TMEM120B: variants seen among roughly 807,000 people sequenced by gnomAD.
TMEM120B encodes transmembrane protein 120B.
A neutral mutation model predicts 55.5 loss-of-function variants in TMEM120B; 31 were observed. The observed-to-expected ratio is 0.56, with a 90% CI of 0.42 to 0.75. The LOEUF is 0.75. Ranked by LOEUF, TMEM120B falls within the 30% of genes least tolerant of loss-of-function variation. TMEM120B has a pLI of 0.00. For missense variants in TMEM120B, 399 were observed against 425.5 expected (o/e 0.94, Z 0.55); for synonymous variants, 203 against 176.3 (o/e 1.15, Z -1.20).
intron 1 of TMEM120B, among the ~76,000 whole-genome samples, chr12:121,717,164 G>A (rs548800970): frequency 6.6e-6 from 1 of 152,160 alleles, no homozygotes; most frequent in African/African-American, 2.4e-5. Flanking sequence ...GGCCTGTGGC[G>A]TGACCGCAGA....
chr12:121,714,557 CT>C lies in TMEM120B; in HGVS notation c.69+1616del, dbSNP rs897759057. ...CACTGTGCCTGGCCCTCAGCCACTT[CT>C]TTTTTTTTTTTTTTTTTTTTTTGAG... On this transcript the variant is annotated intron_variant, in intron 1 of 11. Transcript: ENST00000449592. Among the ~76,000 whole-genome samples the C allele has an allele frequency of 4.2e-3, 424 of 100,234 alleles. 1 individual carries two copies. Among genetic ancestry groups the C allele is most frequent in the Middle Eastern group, 8.5e-3 (1 of 118 alleles). The allele number at this position is 100,234 out of a possible 152,430, so 65.8% of individuals were successfully genotyped here. A position where few individuals can be genotyped will look rare whatever the true frequency, so the allele number is the denominator to read the frequency against.
At chr12:121,761,628 G>A (rs778134761) in intron 5 of TMEM120B, 21 bp from the exon 6 acceptor site, 5 of 1,601,960 alleles carry the variant, frequency 3.1e-6, no homozygotes, top group African/African-American at 1.3e-5. Context: ...CACCCCTCCC[G>A]GGGGCTGTTT....
rs765264424 is a variant in TMEM120B, at chr12:121,780,970, G to A, written c.*5248G>A. The stretch of plus-strand genomic sequence containing the variant: ...GTCTTGCAGCCGATGAGCACCATGG[G>A]GATCCCGCGGCAGAAATGCGTGACC... On this transcript the variant is annotated 3_prime_UTR_variant, in exon 12 of 12. Coordinates refer to ENST00000449592, the MANE Select transcript of TMEM120B (RefSeq NM_001080825.2). 6.2e-7 allele frequency: 1 copy of A among 1,613,996 alleles called. No individual in the cohort carries two copies.
chr12:121,744,520 G>C (rs1307619455), intron 2 of TMEM120B, among the ~76,000 whole-genome samples: 1 of 152,184 alleles, frequency 6.6e-6, no homozygotes, highest in East Asian at 1.9e-4. Context: ...TGGGGTTGCT[G>C]GTGTAGTGGC....
intron 1 of TMEM120B, among the ~76,000 whole-genome samples, chr12:121,718,746 CTA>C (rs765339563): frequency 6.6e-6 from 1 of 152,128 alleles, no homozygotes; most frequent in Non-Finnish European, 1.5e-5. Context: ...ACACAATGCA[CTA>C]TCAGGACTCT....
In TMEM120B at chr12:121,781,329, G is replaced by A; in HGVS notation, c.*5607G>A. On this transcript the variant is annotated 3_prime_UTR_variant, in exon 12 of 12. Coordinates refer to ENST00000449592, the MANE Select transcript of TMEM120B (RefSeq NM_001080825.2). ...CATCTATACAATGGGCAGCAAGCCA[G>A]GAGTGCTGGCACAGGCCTGTGGTCG... 1 of 722,270 alleles carries A rather than the reference G, an allele frequency of 1.4e-6. No homozygotes were observed. The highest frequency in any genetic ancestry group is 2.3e-6 in the Non-Finnish European group (1 of 437,654). The allele number at this position is 722,270 out of a possible 1,614,324, so 44.7% of individuals were successfully genotyped here.
intron 1 of TMEM120B, 98 bp from the exon 2 acceptor site, chr12:121,743,531 C>T (rs955681999): frequency 7.4e-5 from 67 of 903,086 alleles, no homozygotes; most frequent in Non-Finnish European, 1.1e-4. Context: ...GCACTCCAGC[C>T]TGGGTGACAG....
At chr12:121,765,725 G>A (rs1873825525) in intron 6 of TMEM120B, among the ~76,000 whole-genome samples, 1 of 152,216 alleles carries the variant, frequency 6.6e-6, no homozygotes, top group Admixed American at 6.5e-5. Context: ...CTAAATCCGA[G>A]TGACTCATAC....
Position 121,761,647 on chromosome 12 carries a change from A to C in TMEM120B, c.462-2A>C. 1.9e-6 allele frequency: 3 copies of C among 1,613,466 alleles called. No individual in the cohort carries two copies. The highest frequency in any genetic ancestry group is 2.5e-6 in the Non-Finnish European group (3 of 1,179,546). Reference sequence around the variant, plus strand: ...CCTCCCGGGGGCTGTTTCCTTGCACAGGGTGACTGACGAAGTCTTCAACTT... The same window carrying C: ...CCTCCCGGGGGCTGTTTCCTTGCACCGGGTGACTGACGAAGTCTTCAACTT... On this transcript the variant is annotated splice_acceptor_variant, in intron 5 of 11. Transcript: ENST00000449592. LOFTEE classifies it high-confidence loss of function.
At chr12:121,739,341 CAGTT>C (rs1287739323) in intron 1 of TMEM120B, among the ~76,000 whole-genome samples, 6 of 152,070 alleles carry the variant, frequency 3.9e-5, no homozygotes, top group Non-Finnish European at 5.9e-5. Flanking sequence ...ATAAAAGAGA[CAGTT>C]AGCAAAATTT....
At chr12:121,718,373 G>T (rs997036313) in intron 1 of TMEM120B, among the ~76,000 whole-genome samples, 4 of 152,022 alleles carry the variant, frequency 2.6e-5, no homozygotes, top group Non-Finnish European at 4.4e-5. Context: ...GGCATTGGTC[G>T]CTCGCTCCTG....
intron 9 of TMEM120B, among the ~76,000 whole-genome samples, chr12:121,774,406 C>T (rs1566527548): frequency 2.0e-5 from 3 of 152,126 alleles, no homozygotes; most frequent in East Asian, 1.9e-4. Context: ...AACAACATAG[C>T]GCCCAGTGTC....
chr12:121,773,558 T>G, intron 9 of TMEM120B, 45 bp downstream of exon 9: 6 of 1,453,382 alleles, frequency 4.1e-6, no homozygotes, highest in Non-Finnish European at 4.6e-6. Flanking sequence ...GTACTGGACC[T>G]GCCAGCTCCC....
intron 3 of TMEM120B, 26 bp downstream of exon 3, chr12:121,748,468 C>T (rs947032688): frequency 2.1e-5 from 32 of 1,504,926 alleles, no homozygotes; most frequent in Non-Finnish European, 2.8e-5. Flanking sequence ...CTCCCCACCC[C>T]TAGCACAGGC....
intron 1 of TMEM120B, among the ~76,000 whole-genome samples, chr12:121,719,531 A>G (rs1404355427): frequency 1.3e-5 from 2 of 152,160 alleles, no homozygotes; most frequent in Non-Finnish European, 2.9e-5. Context: ...GGTTGCAGTA[A>G]GCTGAGATCC....
At chr12:121,769,715 C>CGTGTGTGTGTGT (rs63639861) in intron 6 of TMEM120B, among the ~76,000 whole-genome samples, 1,987 of 148,356 alleles carry the variant, frequency 0.013, 22 homozygotes, top group Middle Eastern at 0.045. Flanking sequence ...AAAGAGAAAA[C>CGTGTGTGTGTGT]GTGTGTGTGT....
chr12:121,758,502 CCGCGCTGTGGT>C, intron 5 of TMEM120B: 1 of 976,662 alleles, frequency 1.0e-6, no homozygotes, highest in African/African-American at 1.9e-5. Flanking sequence ...CGGCCCAGCC[CCGCGCTGTGGT>C]CACCATGGAG....
intron 1 of TMEM120B, among the ~76,000 whole-genome samples, chr12:121,740,561 C>T (rs1872905699): frequency 6.6e-6 from 1 of 151,660 alleles, no homozygotes; most frequent in East Asian, 2.0e-4. Flanking sequence ...TATATTTACT[C>T]TTCATTAAGT....
intron 1 of TMEM120B, among the ~76,000 whole-genome samples, chr12:121,722,717 G>C (rs1204331609): frequency 6.6e-6 from 1 of 152,128 alleles, no homozygotes; most frequent in Non-Finnish European, 1.5e-5. Context: ...GCAAAGGAGT[G>C]ATAAAGACCA....
Sources: allele counts gnomAD v4.1 joint callset (sites outside exome capture counted in the v4.1 genomes callset), GRCh38; gene constraint gnomAD v4.1.1; transcripts MANE v1.5; gene names NCBI Gene and HGNC (gene_info 2026-07-23, HGNC 2026-07-21).